Variants in GRM7 observed in about 807,000 individuals in gnomAD.
GRM7 encodes the protein glutamate metabotropic receptor 7, also known as metabotropic glutamate receptor 7.
In GRM7, 35 loss-of-function variants were observed where a neutral mutation model predicts 84.5. The observed-to-expected ratio is 0.41, with a 90% CI of 0.32 to 0.55. The LOEUF (loss-of-function observed/expected upper bound fraction) is 0.55. GRM7 is among the 20% of genes least tolerant of loss of function. The pLI, the probability that GRM7 is intolerant of heterozygous loss-of-function variation, is 0.19. For missense variants in GRM7, 1,003 were observed against 1,194.6 expected, an observed-to-expected ratio of 0.84 and a Z score of 2.36; for synonymous variants, 487 against 455.1, an observed-to-expected ratio of 1.07 and a Z score of -0.89.
At chr3:7,632,403 G>T (rs1697897268) in intron 8 of GRM7, among the ~76,000 whole-genome samples, 1 of 152,110 alleles carries the variant, frequency 6.6e-6, no homozygotes, top group South Asian at 2.1e-4. Flanking sequence ...AAAAGTAAAG[G>T]AATAAAGAAT....
At chr3:7,018,286 A>G (rs1344385580) in intron 1 of GRM7, among the ~76,000 whole-genome samples, 8 of 152,206 alleles carry the variant, frequency 5.3e-5, no homozygotes, top group African/African-American at 1.9e-4. Flanking sequence ...AGCCAATTTC[A>G]TGTCAGTTTA....
In GRM7 at chr3:7,203,336, C is replaced by T. The variant is rs146087862; in HGVS notation, c.736+56668C>T. Among the ~76,000 whole-genome samples, 29 of 152,282 alleles carry T rather than the reference C, an allele frequency of 1.9e-4. No individual in the cohort carries two copies. In the East Asian group the frequency reaches 5.4e-3, roughly 28 times the overall value. On this transcript the variant is annotated intron_variant, in intron 2 of 9. Transcript: ENST00000357716. ...TTGTCTTTCTGTATCTGGCTCATTT[C>T]ACTTAACATAATGACCTACAGTTTC...
In GRM7 at chr3:6,862,501, G is replaced by A. The variant is rs1694788923; in HGVS notation, c.519+594G>A. On this transcript the variant is annotated intron_variant, in intron 1 of 9. Transcript: ENST00000357716. The surrounding 1 kb of genome is among the most constrained non-coding windows in gnomAD (Gnocchi z 5.2). Reference sequence around the variant, plus strand: ...TGTAGCCAGCCTCCGCGAGAGCCCAGGGCGCGAGGTGCTGGGACCTTCCTC... The same window carrying A: ...TGTAGCCAGCCTCCGCGAGAGCCCAAGGCGCGAGGTGCTGGGACCTTCCTC... Among the ~76,000 whole-genome samples the A allele has an allele frequency of 6.6e-6, 1 of 152,198 alleles. No homozygotes were observed. The highest frequency in any genetic ancestry group is 1.5e-5 in the Non-Finnish European group (1 of 68,042).
Position 7,462,918 on chromosome 3 carries a change from T to G in GRM7, c.1515+1196T>G, listed in dbSNP as rs142664433. The stretch of plus-strand genomic sequence containing the variant: ...AAGATCAAAAAAGAAGCTAAGATTA[T>G]TCTGAATCCAAGGCACACTAAACTT... On this transcript the variant is annotated intron_variant, in intron 7 of 9. Transcript: ENST00000357716. Among the ~76,000 whole-genome samples the G allele has an allele frequency of 1.5e-4, 23 of 152,268 alleles. No homozygotes were observed. The East Asian group carries it at 4.4e-3, about 29-fold the overall frequency.
intron 1 of GRM7, among the ~76,000 whole-genome samples, chr3:6,919,567 C>CTT (rs35688405): frequency 3.7e-4 from 52 of 141,440 alleles, no homozygotes; most frequent in South Asian, 1.8e-3. Flanking sequence ...TATTGTTCAT[C>CTT]TTTTTTTTTT....
chr3:7,618,409 T>A (rs563067866), intron 8 of GRM7, among the ~76,000 whole-genome samples: 2 of 152,278 alleles, frequency 1.3e-5, no homozygotes, highest in East Asian at 3.9e-4. Context: ...GCCAAAAATA[T>A]TTCAAGCAAT....
chr3:7,689,275 T>C (rs1700705794), intron 9 of GRM7, among the ~76,000 whole-genome samples: 1 of 152,210 alleles, frequency 6.6e-6, no homozygotes, highest in Admixed American at 6.5e-5. Context: ...TTGTAATGAA[T>C]GGGATTATTT....
chr3:7,009,365 A>G (rs969747555), intron 1 of GRM7, among the ~76,000 whole-genome samples: 1 of 152,374 alleles, frequency 6.6e-6, no homozygotes, highest in East Asian at 1.9e-4. Flanking sequence ...AGAACTATTC[A>G]TAAACCCATT....
At chr3:7,043,069 C>G (rs964492854) in intron 1 of GRM7, among the ~76,000 whole-genome samples, 2 of 152,156 alleles carry the variant, frequency 1.3e-5, no homozygotes, top group African/African-American at 4.8e-5. Context: ...CTCCAATGCT[C>G]CATACATTAT....
chr3:7,650,115 A>G (rs1698857193), intron 8 of GRM7, among the ~76,000 whole-genome samples: 1 of 152,216 alleles, frequency 6.6e-6, no homozygotes, highest in South Asian at 2.1e-4. Context: ...TATCCTACGC[A>G]AGGAAAATAT....
intron 1 of GRM7, among the ~76,000 whole-genome samples, chr3:6,915,998 G>A (rs1012951140): frequency 6.6e-5 from 10 of 152,164 alleles, no homozygotes; most frequent in Admixed American, 2.0e-4. Flanking sequence ...CTCAGTTTGG[G>A]AAGAATTCTG....
At chr3:7,204,524 A>G (rs1444030665) in intron 2 of GRM7, among the ~76,000 whole-genome samples, 1 of 152,238 alleles carries the variant, frequency 6.6e-6, no homozygotes, top group East Asian at 1.9e-4. Flanking sequence ...CCGTTAGCTT[A>G]GTCAGCTCTG....
intron 7 of GRM7, among the ~76,000 whole-genome samples, chr3:7,529,330 C>A (rs147277868): frequency 6.6e-6 from 1 of 151,804 alleles, no homozygotes; most frequent in African/African-American, 2.4e-5. Context: ...TTTGTGATAG[C>A]TTCTGGTTCT....
chr3:7,675,033 G>A lies in GRM7; in HGVS notation c.2452-5016G>A, dbSNP rs192874125. 9.9e-4 allele frequency among the ~76,000 whole-genome samples: 151 copies of A among 152,080 alleles called. 1 individual carries two copies. Among genetic ancestry groups the A allele is most frequent in the African/African-American group, 3.0e-3 (126 of 41,412 alleles). ...AATGGTTTGACACCACGAAATAGCCGCATAACACTTTTCTGAGTAAATTAA... is the reference window on the plus strand; with the variant it reads ...AATGGTTTGACACCACGAAATAGCCACATAACACTTTTCTGAGTAAATTAA... On this transcript the variant is annotated intron_variant, in intron 8 of 9. Transcript: ENST00000357716.
At chr3:7,636,691 T>C (rs772550923) in intron 8 of GRM7, among the ~76,000 whole-genome samples, 19 of 152,178 alleles carry the variant, frequency 1.2e-4, no homozygotes, top group Non-Finnish European at 2.6e-4. Flanking sequence ...TTCTTCCCCA[T>C]AAAGCAAGTG....
intron 2 of GRM7, 61 bp downstream of exon 2, chr3:7,146,729 C>A: frequency 1.7e-6 from 2 of 1,155,710 alleles, no homozygotes; most frequent in Non-Finnish European, 2.6e-6. Context: ...TTGTAGAGTT[C>A]TCTTCAAACT....
intron 4 of GRM7, among the ~76,000 whole-genome samples, chr3:7,339,027 T>G (rs527517721): frequency 2.6e-5 from 4 of 152,210 alleles, no homozygotes; most frequent in East Asian, 3.9e-4. Flanking sequence ...GTCAGACTTT[T>G]AAAACCAGAA....
intron 2 of GRM7, among the ~76,000 whole-genome samples, chr3:7,150,108 A>G (rs950807071): frequency 2.0e-5 from 3 of 151,976 alleles, no homozygotes; most frequent in African/African-American, 7.2e-5. Flanking sequence ...AGAGCAAGAA[A>G]GAGAGAGGGG....
chr3:6,956,406 G>A (rs17046457), intron 1 of GRM7, among the ~76,000 whole-genome samples: 14,215 of 152,236 alleles, frequency 0.093, 702 homozygotes, highest in Middle Eastern at 0.11. Context: ...AATCATTACA[G>A]AGAAGCCCTG....
Sources: gnomAD v4.1 joint callset for allele counts (sites outside exome capture counted in the v4.1 genomes callset) on GRCh38, gnomAD v4.1.1 for gene constraint, Gnocchi (gnomAD v3.1) non-coding constraint, MANE v1.5 for transcripts, NCBI Gene and HGNC (gene_info 2026-07-23, HGNC 2026-07-21) for gene names.